The following NMU variants were observed in gnomAD, a reference collection of about 807,000 sequenced individuals.
NMU encodes neuromedin U, also known as neuromedin-U.
A neutral mutation model predicts 35.4 loss-of-function variants in NMU; 29 were observed. That is an observed-to-expected ratio of 0.82 (90% CI 0.61 to 1.12). The LOEUF is 1.12. Among genes scored for constraint, NMU ranks in the 50% most tolerant of loss-of-function variants. The pLI is 0.00. For missense variants in NMU, 199 were observed against 206.2 expected (o/e 0.97, Z 0.21); for synonymous variants, 78 against 81.3 (o/e 0.96, Z 0.22).
At chr4:55,602,035 C>T (rs1733446485) in intron 7 of NMU, among the ~76,000 whole-genome samples, 2 of 151,820 alleles carry the variant, frequency 1.3e-5, no homozygotes, top group Admixed American at 6.6e-5. Context: ...AATTCAAATG[C>T]ATATTATATT....
chr4:55,636,286 C>A lies in NMU; in HGVS notation c.-94G>T, dbSNP rs893084385. On this transcript the variant is annotated 5_prime_UTR_variant, in exon 1 of 10. Transcript: ENST00000264218. The surrounding 1 kb of genome is among the most constrained non-coding windows in gnomAD (Gnocchi z 4.0). ...GGTGCCCTGGCTGTGCCTCGGGGCC[C>A]GGACACAGGACTGAGCGCCCGGCGA... 6 of 1,394,430 alleles carry A rather than the reference C, an allele frequency of 4.3e-6. No individual in the cohort carries two copies. Among genetic ancestry groups the A allele is most frequent in the Non-Finnish European group, 2.8e-6 (3 of 1,082,518 alleles). 86.4% of individuals were successfully genotyped at this position (1,394,430 alleles called of 1,614,324 possible).
chr4:55,618,678 T>C (rs997514520), intron 2 of NMU, among the ~76,000 whole-genome samples: 11 of 145,638 alleles, frequency 7.6e-5, no homozygotes, highest in African/African-American at 2.9e-4. Context: ...TCTCTTCCTT[T>C]CTTCTCTCTT....
intron 2 of NMU, among the ~76,000 whole-genome samples, chr4:55,617,023 T>C (rs1455057720): frequency 6.6e-6 from 1 of 152,210 alleles, no homozygotes; most frequent in Non-Finnish European, 1.5e-5. Context: ...AAACCTATGC[T>C]GAGAAGTTAA....
In NMU at chr4:55,616,327, A is replaced by G. The variant is rs1422908944; in HGVS notation, c.219+11T>C. 19 of 1,603,580 alleles carry G rather than the reference A, an allele frequency of 1.2e-5. No homozygotes were observed. The highest frequency in any genetic ancestry group is 8.9e-5 in the East Asian group (4 of 44,832). On this transcript the variant is annotated intron_variant, in intron 3 of 9. Coordinates refer to ENST00000264218, the MANE Select transcript of NMU (RefSeq NM_006681.4). ...CCTACATTATTACAAAATATCTTCA[A>G]TTGGAATTACCTGAGGCTGAGAATC...
At chr4:55,633,919 A>G (rs1434404650) in intron 1 of NMU, among the ~76,000 whole-genome samples, 1 of 152,234 alleles carries the variant, frequency 6.6e-6, no homozygotes, top group African/African-American at 2.4e-5. Context: ...TGTTCCTCTT[A>G]TAGGAAGTTT....
intron 3 of NMU, among the ~76,000 whole-genome samples, chr4:55,615,423 G>T (rs1734075678): frequency 6.6e-6 from 1 of 152,152 alleles, no homozygotes; most frequent in African/African-American, 2.4e-5. Flanking sequence ...GGGACTTGCA[G>T]GCAAGTTTAA....
In NMU at chr4:55,607,483, T is replaced by C; in HGVS notation, c.280-17A>G. The C allele has an allele frequency of 1.2e-6, 1 of 867,016 alleles. No homozygotes were observed. Among genetic ancestry groups the C allele is most frequent in the Non-Finnish European group, 1.9e-6 (1 of 538,730 alleles). The allele number at this position is 867,016 out of a possible 1,614,324, so 53.7% of individuals were successfully genotyped here. A position where few individuals can be genotyped will look rare whatever the true frequency, so the allele number is the denominator to read the frequency against. On this transcript the variant is annotated splice_polypyrimidine_tract_variant and intron_variant, in intron 4 of 9. Transcript: ENST00000264218. Reference sequence around the variant, plus strand: ...ATCTTGTTCCTATTGAAAAGAGATATTGTATATATCATTATATATTGTAAA... The same window carrying C: ...ATCTTGTTCCTATTGAAAAGAGATACTGTATATATCATTATATATTGTAAA...
intron 3 of NMU, among the ~76,000 whole-genome samples, chr4:55,610,161 T>C (rs1353205920): frequency 6.6e-6 from 1 of 152,090 alleles, no homozygotes; most frequent in Non-Finnish European, 1.5e-5. Flanking sequence ...ATTCTTAATT[T>C]AGAAGTTAAA....
chr4:55,613,967 C>T (rs1734026683), intron 3 of NMU, among the ~76,000 whole-genome samples: 1 of 152,106 alleles, frequency 6.6e-6, no homozygotes, highest in South Asian at 2.1e-4. Context: ...AAAACAATTC[C>T]TAATTTATTA....
chr4:55,595,936 G>A lies in NMU; in HGVS notation c.*5-525C>T, dbSNP rs1303176881. On this transcript the variant is annotated intron_variant, in intron 9 of 9. Coordinates refer to ENST00000264218, the MANE Select transcript of NMU (RefSeq NM_006681.4). ...ATTACAGGGGTGAGTCACCGTACCC[G>A]ACCTGTCTGTATATTTTTAACTATA... Among the ~76,000 whole-genome samples, 4 of 151,976 alleles carry A rather than the reference G, an allele frequency of 2.6e-5. No homozygotes were observed. The South Asian group carries it at 6.2e-4, about 24-fold the overall frequency.
chr4:55,596,903 C>A (rs1285522608), intron 9 of NMU, among the ~76,000 whole-genome samples: 1 of 152,110 alleles, frequency 6.6e-6, no homozygotes, highest in Admixed American at 6.6e-5. Context: ...TGGTTTGAGA[C>A]CATTGTATAA....
Position 55,605,271 on chromosome 4 carries a change from A to G in NMU, c.435+4T>C. On this transcript the variant is annotated splice_donor_region_variant and intron_variant, in intron 7 of 9. Coordinates refer to ENST00000264218, the MANE Select transcript of NMU (RefSeq NM_006681.4). ...AAAGCCAGCATGCAGTTTGTATTAC[A>G]TACGTCCACTCTGAATCTCTTCATT... The G allele has an allele frequency of 6.2e-7, 1 of 1,604,022 alleles. No homozygotes were observed. Among genetic ancestry groups the G allele is most frequent in the Non-Finnish European group, 8.5e-7 (1 of 1,170,732 alleles).
At chr4:55,616,982 G>T (rs1232356096) in intron 2 of NMU, among the ~76,000 whole-genome samples, 1 of 152,096 alleles carries the variant, frequency 6.6e-6, no homozygotes, top group Non-Finnish European at 1.5e-5. Flanking sequence ...GACTTTAAAC[G>T]GTAGAATGAG....
intron 2 of NMU, among the ~76,000 whole-genome samples, chr4:55,619,658 C>T (rs1367140481): frequency 0.011 from 1,135 of 102,682 alleles, 25 homozygotes; most frequent in African/African-American, 0.035. Flanking sequence ...TGGGTGGAGC[C>T]CACCACAGCT....
intron 4 of NMU, 73 bp from the exon 5 acceptor site, chr4:55,607,539 A>G: frequency 1.8e-6 from 1 of 562,212 alleles, no homozygotes; most frequent in Non-Finnish European, 3.1e-6. Context: ...GTAATTTTAT[A>G]ATGTTATAAC....
chr4:55,607,432 C>T lies in NMU; in HGVS notation c.309+5G>A, dbSNP rs1193318432. The T allele has an allele frequency of 1.1e-5, 12 of 1,091,536 alleles. No homozygotes were observed. Among genetic ancestry groups the T allele is most frequent in the Non-Finnish European group, 1.7e-5 (12 of 720,336 alleles). 67.6% of individuals were successfully genotyped at this position (1,091,536 alleles called of 1,614,324 possible). A position where few individuals can be genotyped will look rare whatever the true frequency, so the allele number is the denominator to read the frequency against. On this transcript the variant is annotated splice_donor_5th_base_variant and intron_variant, in intron 5 of 9. Transcript: ENST00000264218. ...TAAGGTATAGATGTATGAAAATCAT[C>T]TTACCCTTTTAGTATTATCTTTTTC...
intron 1 of NMU, among the ~76,000 whole-genome samples, chr4:55,630,942 A>G (rs1734728802): frequency 6.6e-6 from 1 of 152,238 alleles, no homozygotes; most frequent in Non-Finnish European, 1.5e-5. Context: ...CTATAAGCCT[A>G]TAGTTACCAA....
chr4:55,625,024 G>A (rs1317089644), intron 2 of NMU, among the ~76,000 whole-genome samples: 1 of 84,044 alleles, frequency 1.2e-5, no homozygotes, highest in Admixed American at 1.3e-4. Context: ...GTGGTGGGGT[G>A]GGGGGAGGGG....
intron 2 of NMU, among the ~76,000 whole-genome samples, chr4:55,616,896 A>AT (rs1734126392): frequency 6.6e-6 from 1 of 152,178 alleles, no homozygotes; most frequent in Non-Finnish European, 1.5e-5. Flanking sequence ...AGAGAGTTCT[A>AT]TTTTATAATG....
Sources: gnomAD v4.1 joint callset for allele counts (sites outside exome capture counted in the v4.1 genomes callset) on GRCh38, gnomAD v4.1.1 for gene constraint, Gnocchi (gnomAD v3.1) non-coding constraint, MANE v1.5 for transcripts, NCBI Gene and HGNC (gene_info 2026-07-23, HGNC 2026-07-21) for gene names.